The following CSMD1 variants were observed in gnomAD, a reference collection of about 807,000 sequenced individuals.
CSMD1 encodes CUB and Sushi multiple domains 1.
Under a neutral mutation model 417.5 loss-of-function variants are expected in CSMD1, and 213 were observed. The observed-to-expected ratio is 0.51, with a 90% CI of 0.46 to 0.57. CSMD1 has a LOEUF of 0.57. CSMD1 is among the 20% of genes least tolerant of loss of function. The pLI is 0.00. For missense variants in CSMD1, 6,923 were observed against 4,529.7 expected (o/e 1.53, Z -15.17); for synonymous variants, 2,862 against 1,736.8 (o/e 1.65, Z -16.11).
At chr8:3,388,633 G>C (rs1161665210) in intron 17 of CSMD1, among the ~76,000 whole-genome samples, 1 of 152,162 alleles carries the variant, frequency 6.6e-6, no homozygotes, top group African/African-American at 2.4e-5. Flanking sequence ...CAAAATTTGA[G>C]TGCTATAACT....
At chr8:4,300,266 A>C (rs920096150) in intron 3 of CSMD1, among the ~76,000 whole-genome samples, 2 of 152,254 alleles carry the variant, frequency 1.3e-5, no homozygotes, top group African/African-American at 4.8e-5. Context: ...TTCTGCATCT[A>C]ACATATTTTC....
chr8:3,891,107 G>A (rs1384010101), intron 5 of CSMD1, among the ~76,000 whole-genome samples: 1 of 151,844 alleles, frequency 6.6e-6, no homozygotes, highest in Non-Finnish European at 1.5e-5. Flanking sequence ...GGAGTGTAGT[G>A]TTGTGATCTT....
intron 3 of CSMD1, among the ~76,000 whole-genome samples, chr8:4,328,018 A>G (rs1799654580): frequency 6.6e-6 from 1 of 152,202 alleles, no homozygotes; most frequent in South Asian, 2.1e-4. Context: ...GGAAATGATA[A>G]GAGGTACTTA....
intron 1 of CSMD1, among the ~76,000 whole-genome samples, chr8:4,938,684 G>T (rs1250645684): frequency 6.6e-6 from 1 of 152,150 alleles, no homozygotes; most frequent in African/African-American, 2.4e-5. Flanking sequence ...CATGATAATG[G>T]GGTGGAAAGA....
chr8:3,144,236 C>G (rs1467066616), intron 40 of CSMD1, among the ~76,000 whole-genome samples: 2 of 151,932 alleles, frequency 1.3e-5, no homozygotes, highest in African/African-American at 4.8e-5. Flanking sequence ...TGAAGTTTAA[C>G]CCCGCACTAA....
chr8:3,932,296 G>T (rs963074801), intron 5 of CSMD1, among the ~76,000 whole-genome samples: 1 of 150,504 alleles, frequency 6.6e-6, no homozygotes, highest in East Asian at 1.9e-4. Flanking sequence ...AAGTTTTGTT[G>T]CTCAGTTAAA....
intron 3 of CSMD1, among the ~76,000 whole-genome samples, chr8:4,248,072 A>G (rs1306361660): frequency 6.6e-6 from 1 of 152,176 alleles, no homozygotes; most frequent in African/African-American, 2.4e-5. Flanking sequence ...GAAATTGTTA[A>G]GGAACTTTCT....
chr8:3,831,877 G>C (rs1421869505), intron 5 of CSMD1, among the ~76,000 whole-genome samples: 1 of 152,022 alleles, frequency 6.6e-6, no homozygotes, highest in Non-Finnish European at 1.5e-5. Flanking sequence ...TGTGATTCAG[G>C]TCATACAATA....
intron 3 of CSMD1, among the ~76,000 whole-genome samples, chr8:4,045,493 G>A (rs887893585): frequency 6.6e-6 from 1 of 152,192 alleles, no homozygotes; most frequent in Admixed American, 6.5e-5. Context: ...GTCCCCAGTT[G>A]GGGGAAGACC....
chr8:4,779,187 A>G (rs1797025190), intron 1 of CSMD1, among the ~76,000 whole-genome samples: 1 of 152,190 alleles, frequency 6.6e-6, no homozygotes, highest in East Asian at 1.9e-4. Flanking sequence ...AGTGGTGGCA[A>G]ACATATGCTA....
intron 1 of CSMD1, among the ~76,000 whole-genome samples, chr8:4,918,556 G>T (rs1025567079): frequency 1.3e-5 from 2 of 152,096 alleles, no homozygotes; most frequent in Non-Finnish European, 1.5e-5. Flanking sequence ...AATTTCCAAT[G>T]TCTAGACAAG....
chr8:4,227,019 G>A (rs1029414561), intron 3 of CSMD1, among the ~76,000 whole-genome samples: 2 of 152,172 alleles, frequency 1.3e-5, no homozygotes, highest in Non-Finnish European at 2.9e-5. Flanking sequence ...CATTATCTCT[G>A]CAGGTGAGAT....
At chr8:3,411,451 CCCTTT>C (rs960347491) in intron 12 of CSMD1, among the ~76,000 whole-genome samples, 14 of 151,868 alleles carry the variant, frequency 9.2e-5, no homozygotes, top group Non-Finnish European at 1.3e-4. Context: ...CCCCTTCACA[CCCTTT>C]CCCCGAGTCC....
At chr8:4,324,733 G>A (rs1196957862) in intron 3 of CSMD1, among the ~76,000 whole-genome samples, 1 of 152,182 alleles carries the variant, frequency 6.6e-6, no homozygotes, top group Non-Finnish European at 1.5e-5. Flanking sequence ...ATATATGGAT[G>A]AAGGGTTTCA....
chr8:3,937,924 C>G (rs963062909), intron 5 of CSMD1, among the ~76,000 whole-genome samples: 3 of 151,926 alleles, frequency 2.0e-5, no homozygotes, highest in African/African-American at 2.4e-5. Context: ...TTTATTAAAC[C>G]TCAGTTCTAA....
intron 1 of CSMD1, among the ~76,000 whole-genome samples, chr8:4,880,329 C>G (rs1365122790): frequency 6.6e-6 from 1 of 152,076 alleles, no homozygotes; most frequent in African/African-American, 2.4e-5. Context: ...AACTCATAGG[C>G]TGCAGCTAAG....
At chr8:3,448,081 A>C (rs1815414473) in intron 12 of CSMD1, among the ~76,000 whole-genome samples, 1 of 151,866 alleles carries the variant, frequency 6.6e-6, no homozygotes, top group South Asian at 2.1e-4. Context: ...CAGAGATATA[A>C]TCCTAAAAAT....
intron 2 of CSMD1, among the ~76,000 whole-genome samples, chr8:4,542,113 T>A (rs544834881): frequency 1.1e-4 from 16 of 152,076 alleles, no homozygotes; most frequent in African/African-American, 3.9e-4. Flanking sequence ...TTCTGGACAA[T>A]GAACTCAACA....
At chr8:3,294,035 C>A (rs540695045) in intron 25 of CSMD1, among the ~76,000 whole-genome samples, 112 of 152,260 alleles carry the variant, frequency 7.4e-4, no homozygotes, top group Middle Eastern at 3.4e-3. Context: ...TGTTAGTTTT[C>A]CTTCTAACAG....
Sources: allele counts gnomAD v4.1 joint callset (sites outside exome capture counted in the v4.1 genomes callset), GRCh38; gene constraint gnomAD v4.1.1; transcripts MANE v1.5; gene names NCBI Gene and HGNC (gene_info 2026-07-23, HGNC 2026-07-21).